CDK14: variants seen among roughly 807,000 people sequenced by gnomAD.
CDK14 encodes the protein cyclin-dependent kinase 14.
In CDK14, 34 loss-of-function variants were observed where a neutral mutation model predicts 60.7. The ratio of observed to expected loss-of-function variants is 0.56; its 90% CI spans 0.43 to 0.75. The LOEUF (loss-of-function observed/expected upper bound fraction) is 0.75, where lower values mean the gene tolerates loss of function less well. CDK14 is among the 30% of genes least tolerant of loss of function. CDK14 has a pLI of 0.00. For synonymous variants in CDK14, 197 were observed against 203.7 expected (o/e 0.97, Z 0.28); for missense variants, 482 against 564.1 (o/e 0.85, Z 1.47).
chr7:90,874,035 T>C (rs761143782), intron 6 of CDK14, among the ~76,000 whole-genome samples: 8 of 152,212 alleles, frequency 5.3e-5, no homozygotes, highest in Non-Finnish European at 8.8e-5. Flanking sequence ...GGAATTAATA[T>C]TAATTTTCTG....
intron 5 of CDK14, among the ~76,000 whole-genome samples, chr7:90,841,659 T>TACACACACACACACACACAAAC (rs1790294631): frequency 7.2e-6 from 1 of 139,296 alleles, no homozygotes; most frequent in African/African-American, 2.7e-5. Flanking sequence ...TATATATATG[T>TACACACACACACACACACAAAC]ACACACACAC....
chr7:90,854,669 A>G (rs1385014331), intron 5 of CDK14, among the ~76,000 whole-genome samples: 2 of 150,724 alleles, frequency 1.3e-5, no homozygotes, highest in Non-Finnish European at 2.9e-5. Flanking sequence ...TTTTTTTTCA[A>G]TCACATACTT....
At chr7:91,078,872 ATTGT>A (rs1250167471) in intron 11 of CDK14, among the ~76,000 whole-genome samples, 2 of 152,228 alleles carry the variant, frequency 1.3e-5, no homozygotes, top group Admixed American at 1.3e-4. Flanking sequence ...GTATCACTTG[ATTGT>A]TTAACTTGGT....
At chr7:90,727,899 C>T (rs374648298) in intron 3 of CDK14, among the ~76,000 whole-genome samples, 4 of 152,192 alleles carry the variant, frequency 2.6e-5, no homozygotes, top group South Asian at 4.1e-4. Flanking sequence ...CTCTGGGTTA[C>T]ATGTCTTTCT....
intron 5 of CDK14, among the ~76,000 whole-genome samples, chr7:90,832,006 A>G (rs1036476746): frequency 1.3e-5 from 2 of 151,658 alleles, no homozygotes; most frequent in African/African-American, 4.8e-5. Context: ...CCCTTATCCA[A>G]TCAGGTCTCT....
chr7:90,946,947 C>T (rs1014976891), intron 8 of CDK14, among the ~76,000 whole-genome samples: 1 of 152,174 alleles, frequency 6.6e-6, no homozygotes, highest in Non-Finnish European at 1.5e-5. Context: ...GTGTCTACTG[C>T]CTTCCACCCT....
chr7:91,151,434 C>G (rs984776549), intron 14 of CDK14, among the ~76,000 whole-genome samples: 9 of 152,164 alleles, frequency 5.9e-5, no homozygotes, highest in Admixed American at 2.0e-4. Context: ...CTGTTAAAAG[C>G]CTGAGCAAAT....
rs1171239303 is a variant in CDK14 at position 91,139,845 on chromosome 7, C to T, written c.*28+21637C>T. Among the ~76,000 whole-genome samples, 4 of 131,504 alleles carry T rather than the reference C, an allele frequency of 3.0e-5. No homozygotes were observed. The East Asian group carries it at 8.2e-4, about 27-fold the overall frequency. The allele number at this position is 131,504 out of a possible 152,430, so 86.3% of individuals were successfully genotyped here. On this transcript the variant is annotated intron_variant, in intron 14 of 14. Coordinates refer to ENST00000380050, the MANE Select transcript of CDK14 (RefSeq NM_001287135.2). The stretch of plus-strand genomic sequence containing the variant: ...TTTTCTTTCTTGCTCTTCCTTTCTT[C>T]CTTTTTTTCTCTTTATTTTCCCTCT...
chr7:91,140,579 A>G (rs910478675), intron 14 of CDK14, among the ~76,000 whole-genome samples: 18 of 152,146 alleles, frequency 1.2e-4, no homozygotes, highest in Admixed American at 7.9e-4. Flanking sequence ...TAGAATAGGG[A>G]TTAATATCTT....
At chr7:91,077,337 TC>T (rs1798351967) in intron 11 of CDK14, among the ~76,000 whole-genome samples, 1 of 152,188 alleles carries the variant, frequency 6.6e-6, no homozygotes, top group African/African-American at 2.4e-5. Context: ...TGAGATCATG[TC>T]CTTTGCAGGG....
At chr7:90,984,068 G>A in intron 9 of CDK14, 80 bp from the exon 10 acceptor site, 1 of 881,880 alleles carries the variant, frequency 1.1e-6, no homozygotes, top group Non-Finnish European at 1.9e-6. Flanking sequence ...TTCTGTAGGA[G>A]TGGATATTCT....
chr7:90,971,577 A>G (rs1036801039), intron 9 of CDK14, among the ~76,000 whole-genome samples: 1 of 151,512 alleles, frequency 6.6e-6, no homozygotes, highest in African/African-American at 2.4e-5. Context: ...GAAGAGAGAA[A>G]GTGTTTGGAG....
intron 8 of CDK14, among the ~76,000 whole-genome samples, chr7:90,949,302 A>G (rs1164513356): frequency 2.0e-5 from 3 of 151,966 alleles, no homozygotes; most frequent in Non-Finnish European, 4.4e-5. Context: ...CCGGGGTTTA[A>G]GTGATTCTCT....
At chr7:90,885,831 T>A (rs1318234013) in intron 6 of CDK14, among the ~76,000 whole-genome samples, 1 of 152,158 alleles carries the variant, frequency 6.6e-6, no homozygotes, top group Non-Finnish European at 1.5e-5. Context: ...AAATACTGCA[T>A]GTTCTCACTT....
At chr7:90,930,931 T>C (rs1793573624) in intron 8 of CDK14, among the ~76,000 whole-genome samples, 1 of 152,224 alleles carries the variant, frequency 6.6e-6, no homozygotes, top group Admixed American at 6.5e-5. Context: ...TCTTCAGACT[T>C]GAAGGTAATT....
In CDK14 at chr7:90,908,447, T is replaced by C. The variant is rs189433434; in HGVS notation, c.702+9094T>C. Among the ~76,000 whole-genome samples the C allele has an allele frequency of 3.1e-3, 470 of 152,286 alleles. 2 individuals carry two copies. Among genetic ancestry groups the C allele is most frequent in the African/African-American group, 0.01 (429 of 41,580 alleles). ...GAAAAGGAATCACCCCAAAGAATGATGAAATGCAGACAATGATTGGAAGTG... is the reference window on the plus strand; with the variant it reads ...GAAAAGGAATCACCCCAAAGAATGACGAAATGCAGACAATGATTGGAAGTG... On this transcript the variant is annotated intron_variant, in intron 7 of 14. Transcript: ENST00000380050.
At chr7:90,628,258 G>A (rs1216159431) in intron 2 of CDK14, among the ~76,000 whole-genome samples, 2 of 152,072 alleles carry the variant, frequency 1.3e-5, no homozygotes, top group Non-Finnish European at 2.9e-5. Flanking sequence ...TGCCTGGCCA[G>A]AAAGGTGATT....
Position 90,747,685 on chromosome 7 carries a change from C to A in CDK14, c.374C>A (p.Thr125Lys), listed in dbSNP as rs774035523. Residue 125 changes from threonine (T) to lysine (K), a missense_variant, in exon 4 of 15, where the codon ACA becomes AAA. Physicochemically the swap from Thr to Lys is moderately conservative, Grantham distance 78. Transcript: ENST00000380050. ...VRRHSSPSSP[T>K]SPKFGKADSY... Reference sequence around the variant, plus strand: ...TACCCTGTGCTTCATTTTTAGCCAACAAGTCCCAAATTTGGAAAAGCTGAC... The same window carrying A: ...TACCCTGTGCTTCATTTTTAGCCAAAAAGTCCCAAATTTGGAAAAGCTGAC... 2 of 1,586,632 alleles carry A rather than the reference C, an allele frequency of 1.3e-6. No homozygotes were observed. Among genetic ancestry groups the A allele is most frequent in the Non-Finnish European group, 1.7e-6 (2 of 1,167,576 alleles).
chr7:90,693,646 T>C (rs971347690), intron 2 of CDK14, among the ~76,000 whole-genome samples: 2 of 152,180 alleles, frequency 1.3e-5, no homozygotes, highest in African/African-American at 2.4e-5. Context: ...ATCCAATTCA[T>C]TGGCCTCAGT....
Sources: allele counts gnomAD v4.1 joint callset (sites outside exome capture counted in the v4.1 genomes callset), GRCh38; gene constraint gnomAD v4.1.1; transcripts MANE v1.5; gene names NCBI Gene and HGNC (gene_info 2026-07-23, HGNC 2026-07-21).